The following CNTNAP5 variants were observed in gnomAD, a reference collection of about 807,000 sequenced individuals.
CNTNAP5 encodes the protein contactin-associated protein-like 5.
A neutral mutation model predicts 150.2 loss-of-function variants in CNTNAP5; 72 were observed. The ratio of observed to expected loss-of-function variants is 0.48; its 90% CI spans 0.40 to 0.58. CNTNAP5 has a LOEUF of 0.58. Ranked by LOEUF, CNTNAP5 falls within the 20% of genes least tolerant of loss-of-function variation. The pLI is 0.00. For missense variants in CNTNAP5, 1,636 were observed against 1,626.2 expected (o/e 1.01, Z -0.10); for synonymous variants, 672 against 619.8 (o/e 1.08, Z -1.25).
intron 1 of CNTNAP5, among the ~76,000 whole-genome samples, chr2:124,207,910 T>G (rs992793975): frequency 6.6e-6 from 1 of 152,340 alleles, no homozygotes; most frequent in Non-Finnish European, 1.5e-5. Flanking sequence ...ACTGAATACC[T>G]GGACATGTCC....
At chr2:124,834,688 T>C (rs1682792315) in intron 19 of CNTNAP5, among the ~76,000 whole-genome samples, 1 of 152,070 alleles carries the variant, frequency 6.6e-6, no homozygotes, top group Admixed American at 6.6e-5. Flanking sequence ...TATAGTCAAG[T>C]GCACTGTGGC....
chr2:124,278,317 G>A (rs963645438), intron 3 of CNTNAP5, among the ~76,000 whole-genome samples: 1 of 151,964 alleles, frequency 6.6e-6, no homozygotes, highest in African/African-American at 2.4e-5. Context: ...AAAAATAATG[G>A]GAAAGAAGTG....
intron 1 of CNTNAP5, among the ~76,000 whole-genome samples, chr2:124,179,099 C>T (rs989900147): frequency 2.6e-5 from 4 of 151,580 alleles, no homozygotes; most frequent in Non-Finnish European, 2.9e-5. Flanking sequence ...AGCCCGTGAC[C>T]CTGGCTTTGC....
At chr2:124,580,779 A>G (rs1696393354) in intron 11 of CNTNAP5, among the ~76,000 whole-genome samples, 1 of 152,218 alleles carries the variant, frequency 6.6e-6, no homozygotes. Context: ...ACAAGGTGAG[A>G]GGACAAAACC....
chr2:124,421,166 C>T (rs1255923655), intron 4 of CNTNAP5, among the ~76,000 whole-genome samples: 1 of 152,178 alleles, frequency 6.6e-6, no homozygotes, highest in African/African-American at 2.4e-5. Context: ...GTTTTGTAAA[C>T]TTAAACACAT....
At chr2:124,211,795 A>C (rs1686020088) in intron 1 of CNTNAP5, among the ~76,000 whole-genome samples, 1 of 152,158 alleles carries the variant, frequency 6.6e-6, no homozygotes, top group Non-Finnish European at 1.5e-5. Flanking sequence ...GAGAATACAG[A>C]GATGTTCGTT....
At chr2:124,548,685 TA>T (rs1695569095) in intron 10 of CNTNAP5, among the ~76,000 whole-genome samples, 1 of 152,090 alleles carries the variant, frequency 6.6e-6, no homozygotes, top group Non-Finnish European at 1.5e-5. Context: ...AAACACAGTC[TA>T]TGACTGTGTC....
In CNTNAP5 at chr2:124,481,794, T is replaced by C. The variant is rs914653766; in HGVS notation, c.1062+6912T>C. Among the ~76,000 whole-genome samples, 4 of 152,218 alleles carry C rather than the reference T, an allele frequency of 2.6e-5. No homozygotes were observed. In the East Asian group the frequency reaches 7.7e-4, roughly 29 times the overall value. Reference sequence around the variant, plus strand: ...ATCTACTGTGTTAAAATTTGAGTTGTTTGAATTTTTTTCTGCCAAAAATAA... The same window carrying C: ...ATCTACTGTGTTAAAATTTGAGTTGCTTGAATTTTTTTCTGCCAAAAATAA... On this transcript the variant is annotated intron_variant, in intron 7 of 23. Transcript: ENST00000682447.
chr2:124,888,779 T>C lies in CNTNAP5; in HGVS notation c.3437-14103T>C, dbSNP rs532528653. ...GTCTGATCATGTCCTTTGCCCTTTTTTTTTAGTAAGGTTAACTGTTTTTAG... is the reference window on the plus strand; with the variant it reads ...GTCTGATCATGTCCTTTGCCCTTTTCTTTTAGTAAGGTTAACTGTTTTTAG... On this transcript the variant is annotated intron_variant, in intron 21 of 23. Coordinates refer to ENST00000682447, the MANE Select transcript of CNTNAP5 (RefSeq NM_001367498.1). Among the ~76,000 whole-genome samples, 3 of 152,258 alleles carry C rather than the reference T, an allele frequency of 2.0e-5. No individual in the cohort carries two copies. The South Asian group carries it at 6.2e-4, about 32-fold the overall frequency.
chr2:124,763,601 G>A (rs1681003506), intron 14 of CNTNAP5, 71 bp from the exon 15 acceptor site: 1 of 1,467,442 alleles, frequency 6.8e-7, no homozygotes, highest in Non-Finnish European at 9.3e-7. Flanking sequence ...TCTGAAAAGA[G>A]GGGTCATGGA....
At chr2:124,873,730 T>C (rs888775464) in intron 21 of CNTNAP5, among the ~76,000 whole-genome samples, 2 of 152,118 alleles carry the variant, frequency 1.3e-5, no homozygotes, top group African/African-American at 4.8e-5. Flanking sequence ...GAATTAATGA[T>C]AAATGCAACT....
intron 11 of CNTNAP5, among the ~76,000 whole-genome samples, chr2:124,571,527 C>CTT (rs1214169811): frequency 1.5e-4 from 7 of 46,844 alleles, no homozygotes; most frequent in African/African-American, 6.1e-4. Context: ...TTTCTTTTTT[C>CTT]TTTTTTTTTT....
intron 13 of CNTNAP5, among the ~76,000 whole-genome samples, chr2:124,708,552 G>C (rs1322608053): frequency 6.6e-6 from 1 of 152,118 alleles, no homozygotes; most frequent in African/African-American, 2.4e-5. Context: ...CGGGATTGGA[G>C]GTACAAGGAA....
intron 1 of CNTNAP5, among the ~76,000 whole-genome samples, chr2:124,101,093 G>A (rs756379144): frequency 4.1e-4 from 62 of 152,182 alleles, no homozygotes; most frequent in Non-Finnish European, 8.7e-4. Context: ...CCTTGATCAC[G>A]ACAGATATTG....
At chr2:124,067,968 G>A (rs1558743781) in intron 1 of CNTNAP5, among the ~76,000 whole-genome samples, 1 of 152,078 alleles carries the variant, frequency 6.6e-6, no homozygotes, top group African/African-American at 2.4e-5. Context: ...AGTCATATTG[G>A]AGAAGGAGGA....
intron 1 of CNTNAP5, among the ~76,000 whole-genome samples, chr2:124,197,694 C>T (rs1573828112): frequency 6.6e-6 from 1 of 152,078 alleles, no homozygotes; most frequent in Admixed American, 6.6e-5. Flanking sequence ...ATTTTACAAA[C>T]AATACGGCCC....
chr2:124,761,549 G>T (rs1167285297), intron 14 of CNTNAP5, among the ~76,000 whole-genome samples: 1 of 152,060 alleles, frequency 6.6e-6, no homozygotes, highest in Admixed American at 6.6e-5. Flanking sequence ...TTGCTAGTGA[G>T]TACTACAGGC....
intron 13 of CNTNAP5, among the ~76,000 whole-genome samples, chr2:124,707,313 C>A (rs1277923467): frequency 6.6e-6 from 1 of 152,118 alleles, no homozygotes; most frequent in Non-Finnish European, 1.5e-5. Context: ...AAAGATGAGG[C>A]ATGGACTTTG....
At chr2:124,558,478 G>T (rs556156010) in intron 10 of CNTNAP5, among the ~76,000 whole-genome samples, 1 of 140,014 alleles carries the variant, frequency 7.1e-6, no homozygotes, top group Non-Finnish European at 1.6e-5. Context: ...AGACAGCTGC[G>T]TAGAGGAGTC....
Sources: allele counts gnomAD v4.1 joint callset (sites outside exome capture counted in the v4.1 genomes callset), GRCh38; gene constraint gnomAD v4.1.1; transcripts MANE v1.5; gene names NCBI Gene and HGNC (gene_info 2026-07-23, HGNC 2026-07-21).